Variants in ALLC observed in about 807,000 individuals in gnomAD.
ALLC encodes the protein probable inactive allantoicase.
Under a neutral mutation model 45.0 loss-of-function variants are expected in ALLC, and 40 were observed. The ratio of observed to expected loss-of-function variants is 0.89; its 90% confidence interval spans 0.69 to 1.16. The LOEUF (loss-of-function observed/expected upper bound fraction) is 1.16. Ranked by LOEUF, ALLC falls within the 50% of genes most tolerant of loss-of-function variation. ALLC has a pLI of 0.00. For synonymous variants in ALLC, 176 were observed against 178.1 expected, an observed-to-expected ratio of 0.99 and a Z score of 0.09; for missense variants, 488 against 493.1, an observed-to-expected ratio of 0.99 and a Z score of 0.10.
chr2:3,691,389 G>A (rs1320911454), intron 7 of ALLC, among the ~76,000 whole-genome samples: 1 of 151,758 alleles, frequency 6.6e-6, no homozygotes, highest in Non-Finnish European at 1.5e-5. Flanking sequence ...AAGTAGCTGG[G>A]ACCACTGGTG....
At chr2:3,649,043 C>T in the ALLC span, among the ~76,000 whole-genome samples, 2 of 152,124 alleles carry the variant, frequency 1.3e-5, no homozygotes, top group African/African-American at 2.4e-5. Context: ...CAGGACAGTA[C>T]GTTCTCATGC....
intron 7 of ALLC, among the ~76,000 whole-genome samples, chr2:3,692,177 A>G (rs966883660): frequency 1.3e-5 from 2 of 152,274 alleles, no homozygotes; most frequent in African/African-American, 4.8e-5. Flanking sequence ...GTATACATCT[A>G]TGCCTGTGCA....
At chr2:3,684,850 A>G (rs1350348705) in intron 7 of ALLC, among the ~76,000 whole-genome samples, 1 of 152,152 alleles carries the variant, frequency 6.6e-6, no homozygotes, top group Admixed American at 6.5e-5. Context: ...GGGGTACATG[A>G]AATGTTTTAA....
chr2:3,690,261 TCCCTC>T (rs1667446054), intron 7 of ALLC, among the ~76,000 whole-genome samples: 1 of 5,852 alleles, frequency 1.7e-4, no homozygotes, highest in African/African-American at 1.0e-3. Flanking sequence ...TCCCTTCCCT[TCCCTC>T]CCCCCTCCCC....
chr2:3,690,003 A>G (rs1326202420), intron 7 of ALLC, among the ~76,000 whole-genome samples: 1 of 146,894 alleles, frequency 6.8e-6, no homozygotes, highest in Non-Finnish European at 1.5e-5. Flanking sequence ...ATATAAGTGT[A>G]GCTACTCCTG....
chr2:3,668,658 C>G (rs542609173), intron 1 of ALLC, among the ~76,000 whole-genome samples: 1 of 141,170 alleles, frequency 7.1e-6, no homozygotes, highest in Admixed American at 7.5e-5. Flanking sequence ...TCACCGCAAA[C>G]TCCGCCTCCT....
chr2:3,682,545 G>A (rs187851804), intron 6 of ALLC, among the ~76,000 whole-genome samples: 140 of 151,922 alleles, frequency 9.2e-4, no homozygotes, highest in Admixed American at 2.1e-3. Context: ...TTATTTTTTG[G>A]GACGGAGTCT....
At chr2:3,652,738 T>C in the ALLC span, among the ~76,000 whole-genome samples, 2 of 151,994 alleles carry the variant, frequency 1.3e-5, no homozygotes, top group Non-Finnish European at 2.9e-5. Flanking sequence ...GTGTGCCACA[T>C]GCCCGGCTAA....
intron 9 of ALLC, among the ~76,000 whole-genome samples, chr2:3,697,077 A>G (rs1484175261): frequency 6.6e-6 from 1 of 152,234 alleles, no homozygotes; most frequent in Non-Finnish European, 1.5e-5. Context: ...TGCTGCACGT[A>G]TAACATTTTG....
At position 3,695,567 on chromosome 2, in the gene ALLC, G is replaced by A. The variant is rs892913630; in HGVS notation, c.512-150G>A. The A allele has an allele frequency of 7.9e-6, 6 of 762,614 alleles. No homozygotes were observed. In the Admixed American group the frequency reaches 1.2e-4, roughly 16 times the overall value. The allele number at this position is 762,614 out of a possible 1,614,324, so 47.2% of individuals were successfully genotyped here. A position where few individuals can be genotyped will look rare whatever the true frequency, so the allele number is the denominator to read the frequency against. On this transcript the variant is annotated intron_variant, in intron 7 of 11. Coordinates refer to ENST00000252505, the MANE Select transcript of ALLC (RefSeq NM_018436.4). The stretch of plus-strand genomic sequence containing the variant: ...TAATATCAAGTGCAAAGGCCCTGGG[G>A]CAGTGGGCTTGTTGTATTTGAGAAA...
rs1245279227 is a variant in ALLC at position 3,695,794 on chromosome 2, G to C, written c.589G>C (p.Asp197His). ...WTATDPKEPADLVAIAFGGVC... is the reference protein window; with the variant it reads ...WTATDPKEPAHLVAIAFGGVC... ...TGCAACTGACCCCAAAGAACCTGCAGACCTAGTGGCCATCGCTTTTGGGGG... is the reference window on the plus strand; with the variant it reads ...TGCAACTGACCCCAAAGAACCTGCACACCTAGTGGCCATCGCTTTTGGGGG... The change falls in exon 8 of 12, where the codon GAC (aspartate) becomes CAC (histidine). Residue 197 changes from aspartate to histidine, a missense_variant. Transcript: ENST00000252505. 20 of 1,613,904 alleles carry C rather than the reference G, an allele frequency of 1.2e-5. No homozygotes were observed. Among genetic ancestry groups the C allele is most frequent in the Non-Finnish European group, 1.7e-5 (20 of 1,179,902 alleles).
intron 3 of ALLC, among the ~76,000 whole-genome samples, chr2:3,675,668 G>A (rs1179276962): frequency 3.3e-5 from 5 of 151,916 alleles, no homozygotes; most frequent in South Asian, 2.1e-4. Context: ...AACATCACAC[G>A]AGACACATAT....
chr2:3,687,210 G>A (rs1667353837), intron 7 of ALLC, among the ~76,000 whole-genome samples: 1 of 150,408 alleles, frequency 6.6e-6, no homozygotes, highest in East Asian at 2.0e-4. Flanking sequence ...TATGGTTTTT[G>A]TTCTTGGTTC....
chr2:3,651,419 GTGTGTGTGTGTGTGTGTGTGTGT>G, the ALLC span, among the ~76,000 whole-genome samples: 9 of 56,250 alleles, frequency 1.6e-4, 1 homozygote, highest in South Asian at 1.8e-3. Context: ...GTGTGTGTGT[GTGTGTGTGTGTGTGTGTGTGTGT>G]TAGGAAGGGA....
At chr2:3,660,063 A>AT (rs1666532947) in intron 1 of ALLC, among the ~76,000 whole-genome samples, 2 of 152,122 alleles carry the variant, frequency 1.3e-5, no homozygotes, top group Non-Finnish European at 2.9e-5. Context: ...GTGCAATCAG[A>AT]TCCCCCGTGT....
upstream of ALLC, among the ~76,000 whole-genome samples, chr2:3,656,885 G>A (rs1287370488): frequency 2.6e-5 from 4 of 151,324 alleles, no homozygotes; most frequent in Non-Finnish European, 5.9e-5. Flanking sequence ...CTTTATCGGT[G>A]CCACAGCCTA....
intron 10 of ALLC, 37 bp downstream of exon 10, chr2:3,697,493 GT>G (rs769348855): frequency 3.9e-6 from 6 of 1,549,356 alleles, no homozygotes; most frequent in Non-Finnish European, 4.5e-6. Context: ...CCTATAATTG[GT>G]TTGTTTATTC....
At chr2:3,663,584 GAA>G (rs373258016) in intron 1 of ALLC, among the ~76,000 whole-genome samples, 2 of 144,922 alleles carry the variant, frequency 1.4e-5, no homozygotes, top group African/African-American at 5.0e-5. Context: ...TTAAAAGTTG[GAA>G]AAAAAAAAAG....
At chr2:3,662,507 G>A (rs904528516) in intron 1 of ALLC, among the ~76,000 whole-genome samples, 2 of 152,234 alleles carry the variant, frequency 1.3e-5, no homozygotes, top group Non-Finnish European at 2.9e-5. Context: ...AGGAATTAGT[G>A]GCTGATGAGA....
Sources: gnomAD v4.1 joint callset for allele counts (sites outside exome capture counted in the v4.1 genomes callset) on GRCh38, gnomAD v4.1.1 for gene constraint, MANE v1.5 for transcripts, NCBI Gene and HGNC (gene_info 2026-07-23, HGNC 2026-07-21) for gene names.